The following NAAA variants were observed in gnomAD, a reference collection of about 807,000 sequenced individuals.
NAAA encodes the protein N-acylethanolamine-hydrolyzing acid amidase.
NAAA carries 39 observed loss-of-function variants against 44.8 expected under a neutral mutation model. The ratio of observed to expected loss-of-function variants is 0.87; its 90% confidence interval spans 0.67 to 1.14. The LOEUF is 1.14. Ranked by LOEUF, NAAA falls within the 50% of genes most tolerant of loss-of-function variation. The pLI is 0.00. For missense variants in NAAA, 460 were observed against 467.8 expected, an observed-to-expected ratio of 0.98 and a Z score of 0.15; for synonymous variants, 178 against 191.3, an observed-to-expected ratio of 0.93 and a Z score of 0.58.
In NAAA at chr4:75,913,673, T is replaced by A; in HGVS notation, c.*702A>T. The A allele has an allele frequency of 2.0e-6, 2 of 981,660 alleles. No individual in the cohort carries two copies. The highest frequency in any genetic ancestry group is 2.4e-6 in the Non-Finnish European group (2 of 826,532). The allele number at this position is 981,660 out of a possible 1,614,324, so 60.8% of individuals were successfully genotyped here. On this transcript the variant is annotated 3_prime_UTR_variant, in exon 11 of 11. Coordinates refer to ENST00000286733, the MANE Select transcript of NAAA (RefSeq NM_014435.4). ...CATAACGCTAAGTTTCTTGGAAATT[T>A]TTTTATTCTCCTTGCCAACATTTCT...
chr4:75,934,012 A>G (rs939307348), intron 3 of NAAA, among the ~76,000 whole-genome samples: 4 of 151,296 alleles, frequency 2.6e-5, no homozygotes, highest in Non-Finnish European at 5.9e-5. Flanking sequence ...CCTGGGTGAT[A>G]GAGCGAGACT....
At position 75,914,218 on chromosome 4, in the gene NAAA, G is replaced by A. The variant is rs754438895; in HGVS notation, c.*157C>T. ...ACTCCAAATCTCCTGGACCCACTTC[G>A]CAAGGTTGTAAAGTTAAATGAGGAA... On this transcript the variant is annotated 3_prime_UTR_variant, in exon 11 of 11. Transcript: ENST00000286733. 11 of 985,634 alleles carry A rather than the reference G, an allele frequency of 1.1e-5. No homozygotes were observed. The South Asian group carries it at 2.3e-4, about 21-fold the overall frequency. The allele number at this position is 985,634 out of a possible 1,614,324, so 61.1% of individuals were successfully genotyped here.
rs751738837 is a variant in NAAA at position 75,940,839 on chromosome 4, G to T, written c.111C>A (p.Asn37Lys). The change falls in exon 1 of 11, where the codon AAC becomes AAA. Residue 37 changes from asparagine to lysine, a missense_variant. Asn to Lys is a moderately conservative substitution (Grantham distance 94, BLOSUM62 0). Transcript: ENST00000286733. The stretch of plus-strand genomic sequence containing the variant: ...GCTCGGGGACCGAGTCCAGGCTCAC[G>T]TTGAAGCGCGGCGCTGCTGGGGGCG... ...AASPPAAPRF[N>K]VSLDSVPELR... The T allele has an allele frequency of 2.0e-5, 32 of 1,591,086 alleles. No homozygotes were observed. In the East Asian group the frequency reaches 3.0e-4, roughly 15 times the overall value.
chr4:75,926,584 G>A (rs1361841819), intron 4 of NAAA, among the ~76,000 whole-genome samples: 3 of 144,570 alleles, frequency 2.1e-5, no homozygotes, highest in African/African-American at 5.1e-5. Context: ...AAAAAAAGAC[G>A]GTATCAACAG....
intron 3 of NAAA, among the ~76,000 whole-genome samples, chr4:75,934,606 C>T (rs930020929): frequency 2.6e-5 from 4 of 151,674 alleles, no homozygotes; most frequent in Admixed American, 6.6e-5. Flanking sequence ...GGATTACAGG[C>T]GTGAGCCACC....
chr4:75,910,742 A>G (rs1467627519), downstream of NAAA, among the ~76,000 whole-genome samples: 3 of 152,222 alleles, frequency 2.0e-5, no homozygotes, highest in South Asian at 4.1e-4. Context: ...ACAAATCCCA[A>G]GCAGGCTTAA....
At chr4:75,930,492 G>A (rs1170961086) in intron 4 of NAAA, 1 of 518,390 alleles carries the variant, frequency 1.9e-6, no homozygotes, top group Admixed American at 1.9e-5. Context: ...CTAAGAAGAA[G>A]ACATGTGAGG....
chr4:75,911,727 T>C (rs1349594872), downstream of NAAA, among the ~76,000 whole-genome samples: 9 of 152,146 alleles, frequency 5.9e-5, no homozygotes, highest in South Asian at 2.1e-4. Flanking sequence ...ACAGGAACAA[T>C]TGGGGAAGTC....
chr4:75,937,354 G>T (rs1329601931), intron 2 of NAAA, among the ~76,000 whole-genome samples: 2 of 152,212 alleles, frequency 1.3e-5, no homozygotes, highest in African/African-American at 4.8e-5. Flanking sequence ...GGGAGGCGGA[G>T]GTTGCGATGA....
intron 5 of NAAA, among the ~76,000 whole-genome samples, chr4:75,922,034 C>T (rs1726216487): frequency 6.6e-6 from 1 of 152,152 alleles, no homozygotes; most frequent in African/African-American, 2.4e-5. Flanking sequence ...ACTCTGCTGC[C>T]ATGTTTTAAA....
chr4:75,917,146 C>A (rs1725701681), intron 9 of NAAA: 1 of 914,562 alleles, frequency 1.1e-6, no homozygotes, highest in South Asian at 5.0e-5. Context: ...TTATTAACCC[C>A]CATTTAAAAA....
At chr4:75,918,981 A>G (rs1725892443) in intron 8 of NAAA, among the ~76,000 whole-genome samples, 192 bp from the exon 9 acceptor site, 1 of 152,126 alleles carries the variant, frequency 6.6e-6, no homozygotes, top group African/African-American at 2.4e-5. Context: ...TGTCTTTACT[A>G]AAAAAGAAAA....
chr4:75,925,126 C>T (rs1218440803), intron 5 of NAAA, among the ~76,000 whole-genome samples: 1 of 152,156 alleles, frequency 6.6e-6, no homozygotes, highest in African/African-American at 2.4e-5. Context: ...GGCTCCGCCT[C>T]CCGGGTTCAC....
rs575111622 is a variant in NAAA at position 75,937,579 on chromosome 4, G to A, written c.372-1344C>T. On this transcript the variant is annotated intron_variant, in intron 2 of 10. Transcript: ENST00000286733. ...CGGCTCACTGCAGCCGTGACTTCCCGGGCTGAAGCGATCCTCCCACTTCAG... is the reference window on the plus strand; with the variant it reads ...CGGCTCACTGCAGCCGTGACTTCCCAGGCTGAAGCGATCCTCCCACTTCAG... 1.2e-4 allele frequency among the ~76,000 whole-genome samples: 18 copies of A among 152,216 alleles called. No homozygotes were observed. The East Asian group carries it at 1.7e-3, about 15-fold the overall frequency.
chr4:75,940,628 C>G, intron 1 of NAAA, 116 bp downstream of exon 1: 2 of 1,208,290 alleles, frequency 1.7e-6, no homozygotes. Flanking sequence ...AAAACCAGTT[C>G]TCCAAGGGTG....
Position 75,931,324 on chromosome 4 carries a change from T to C in NAAA, c.499-20A>G. ...TGCAATCTGAAATCAAGAGATAACA[T>C]GGATCATTTCACCATTCCAATCAAA... On this transcript the variant is annotated intron_variant, in intron 3 of 10. Coordinates refer to ENST00000286733, the MANE Select transcript of NAAA (RefSeq NM_014435.4). 2.6e-6 allele frequency: 4 copies of C among 1,567,578 alleles called. No homozygotes were observed. Among genetic ancestry groups the C allele is most frequent in the Non-Finnish European group, 3.5e-6 (4 of 1,139,002 alleles).
In NAAA at chr4:75,936,099, C is replaced by T. The variant is rs368103733; in HGVS notation, c.498+10G>A. On this transcript the variant is annotated intron_variant, in intron 3 of 10. Transcript: ENST00000286733. ...TTCTGATTTTTTATCTTATATGGTACGGATTATACCTGCCCATTCTTTAAG... is the reference window on the plus strand; with the variant it reads ...TTCTGATTTTTTATCTTATATGGTATGGATTATACCTGCCCATTCTTTAAG... 219 of 1,613,450 alleles carry T rather than the reference C, an allele frequency of 1.4e-4. 1 individual carries two copies. Among genetic ancestry groups the T allele is most frequent in the Middle Eastern group, 1.6e-4 (1 of 6,084 alleles).
At chr4:75,933,782 C>CCCAG in intron 3 of NAAA, among the ~76,000 whole-genome samples, 1 of 152,090 alleles carries the variant, frequency 6.6e-6, no homozygotes, top group South Asian at 2.1e-4. Flanking sequence ...AACCTGTAAT[C>CCCAG]CCAGCACTTT....
chr4:75,935,743 A>G (rs1727645769), intron 3 of NAAA: 1 of 268,518 alleles, frequency 3.7e-6, no homozygotes, highest in Admixed American at 5.3e-5. Context: ...GTCAGATCCC[A>G]AAGTTGGGTG....
Sources: gnomAD v4.1 joint callset for allele counts (sites outside exome capture counted in the v4.1 genomes callset) on GRCh38, gnomAD v4.1.1 for gene constraint, MANE v1.5 for transcripts, NCBI Gene and HGNC (gene_info 2026-07-23, HGNC 2026-07-21) for gene names.